Variants in KLC3 observed in about 807,000 individuals in gnomAD.
KLC3 encodes kinesin light chain 3, also known as kinesin light chain 2.
Under a neutral mutation model 62.9 loss-of-function variants are expected in KLC3, and 72 were observed. The ratio of observed to expected loss-of-function variants is 1.15; its 90% confidence interval spans 0.95 to 1.39. The LOEUF is 1.39. KLC3 is among the 40% of genes most tolerant of loss of function. KLC3 has a pLI of 0.00. For missense variants in KLC3, 848 were observed against 691.6 expected, an observed-to-expected ratio of 1.23 and a Z score of -2.54; for synonymous variants, 377 against 300.5, an observed-to-expected ratio of 1.25 and a Z score of -2.63.
At position 45,348,774 on chromosome 19, in the gene KLC3, G is replaced by A. The variant is rs1055182674; in HGVS notation, c.867+41G>A. ...GGGAGACGAAGTGGGGTCAAAGTGG[G>A]GCCACACCTGCCCATCCCTGACCTG... On this transcript the variant is annotated intron_variant, in intron 6 of 12. Coordinates refer to ENST00000391946, the MANE Select transcript of KLC3 (RefSeq NM_177417.3). 5 of 1,563,948 alleles carry A rather than the reference G, an allele frequency of 3.2e-6. No homozygotes were observed. The African/African-American group carries it at 6.8e-5, about 21-fold the overall frequency.
At chr19:45,347,146 C>T (rs181613527) in intron 3 of KLC3, 26 of 421,980 alleles carry the variant, frequency 6.2e-5, no homozygotes, top group African/African-American at 4.9e-4. Flanking sequence ...ATTTCAAGAC[C>T]AGCATGACCA....
chr19:45,343,449 C>G (rs1179120224), intron 1 of KLC3, among the ~76,000 whole-genome samples: 1 of 152,078 alleles, frequency 6.6e-6, no homozygotes, highest in Non-Finnish European at 1.5e-5. Context: ...ATTCTCATGC[C>G]TCAGCCTCAT....
At chr19:45,343,983 C>T (rs1971438859) in intron 1 of KLC3, among the ~76,000 whole-genome samples, 1 of 152,006 alleles carries the variant, frequency 6.6e-6, no homozygotes, top group Non-Finnish European at 1.5e-5. Flanking sequence ...TCACCACACC[C>T]AGCTAATTTT....
chr19:45,349,652 G>C, intron 8 of KLC3, 50 bp downstream of exon 8: 2 of 1,410,316 alleles, frequency 1.4e-6, no homozygotes, highest in South Asian at 2.6e-5. Context: ...GTCCTGCCCT[G>C]GGGAGGCACC....
At chr19:45,351,183 A>C in intron 12 of KLC3, 103 bp from the exon 13 acceptor site, 3 of 1,585,492 alleles carry the variant, frequency 1.9e-6, no homozygotes, top group African/African-American at 2.7e-5. Flanking sequence ...GGTAGAGGCG[A>C]GGGGGTTGGA....
intron 8 of KLC3, 132 bp from the exon 9 acceptor site, chr19:45,350,209 G>C (rs555745457): frequency 1.0e-5 from 7 of 671,320 alleles, no homozygotes; most frequent in South Asian, 1.9e-5. Context: ...ATCACTTGAG[G>C]CTAGGAGTTC....
chr19:45,347,377 A>G, intron 3 of KLC3, 70 bp from the exon 4 acceptor site: 3 of 1,135,410 alleles, frequency 2.6e-6, no homozygotes, highest in Non-Finnish European at 3.9e-6. Context: ...AAAACCTGAG[A>G]TAGAGCCAGG....
chr19:45,348,618 C>T (rs1020773398), intron 5 of KLC3, 28 bp from the exon 6 acceptor site: 18 of 1,553,440 alleles, frequency 1.2e-5, no homozygotes, highest in South Asian at 1.1e-4. Context: ...TTGGCTAACC[C>T]CCTCCATTCC....
rs1382742837 is a variant in KLC3 at position 45,350,514 on chromosome 19, G to C, written c.1235G>C (p.Gly412Ala). The C allele has an allele frequency of 6.2e-7, 1 of 1,613,432 alleles. No homozygotes were observed. The highest frequency in any genetic ancestry group is 2.2e-5 in the East Asian group (1 of 44,834). ...CAGTGTCCCCCATCTTTCCCCCTAG[G>C]TGCCCCCAACACAGGCACAGCTGGT... is the stretch of plus-strand genomic sequence containing the variant. ...LHKEDLPAPLGAPNTGTAGDA... is the reference protein window; with the variant it reads ...LHKEDLPAPLAAPNTGTAGDA... The change falls in exon 10 of 13, where the codon GGT (glycine) becomes GCT (alanine). Residue 412 changes from glycine to alanine, a missense_variant and splice_region_variant. Gly to Ala is a moderately conservative substitution (Grantham distance 60, BLOSUM62 0). Transcript: ENST00000391946.
chr19:45,346,440 G>A (rs1451597857), intron 2 of KLC3, 104 bp from the exon 3 acceptor site: 6 of 946,894 alleles, frequency 6.3e-6, no homozygotes, highest in South Asian at 3.5e-5. Context: ...GGGGTGTCGT[G>A]CATAGTAGTG....
chr19:45,341,578 T>TGTGTGTGTGTGCGCGCGCGCGC, intron 1 of KLC3, among the ~76,000 whole-genome samples: 69 of 139,894 alleles, frequency 4.9e-4, no homozygotes, highest in South Asian at 1.2e-3. Context: ...TGTGTGTGTG[T>TGTGTGTGTGTGCGCGCGCGCGC]GCGCGCGCGC....
chr19:45,341,190 G>GTT, intron 1 of KLC3, among the ~76,000 whole-genome samples: 1 of 150,696 alleles, frequency 6.6e-6, no homozygotes, highest in East Asian at 2.0e-4. Flanking sequence ...CTGTGTTTGT[G>GTT]TGTGTGTGTG....
chr19:45,341,576 TGTGC>T (rs1316740982), intron 1 of KLC3, among the ~76,000 whole-genome samples: 10 of 129,912 alleles, frequency 7.7e-5, no homozygotes, highest in African/African-American at 2.3e-4. Flanking sequence ...TGTGTGTGTG[TGTGC>T]GCGCGCGCGT....
intron 1 of KLC3, among the ~76,000 whole-genome samples, chr19:45,341,109 C>T (rs1293152304): frequency 1.3e-5 from 2 of 151,720 alleles, no homozygotes; most frequent in Non-Finnish European, 2.9e-5. Flanking sequence ...GCCTGGTGCG[C>T]GGGGCTGGGC....
At chr19:45,347,346 A>C in intron 3 of KLC3, 101 bp from the exon 4 acceptor site, 1 of 889,610 alleles carries the variant, frequency 1.1e-6, no homozygotes, top group Non-Finnish European at 1.7e-6. Context: ...GTCTCAAAAA[A>C]AAAAAAAAAA....
At chr19:45,349,326 C>CT in intron 7 of KLC3, 103 bp from the exon 8 acceptor site, 1 of 1,224,798 alleles carries the variant, frequency 8.2e-7, no homozygotes, top group Middle Eastern at 2.9e-4. Context: ...TCACTCTCTG[C>CT]TTTGACCCTG....
At chr19:45,351,220 G>C (rs921473976) in intron 12 of KLC3, 66 bp from the exon 13 acceptor site, 10 of 1,591,636 alleles carry the variant, frequency 6.3e-6, no homozygotes, top group African/African-American at 2.7e-5. Flanking sequence ...TGGACCTGGA[G>C]CTGGAGGGTG....
chr19:45,351,301 C>A lies in KLC3; in HGVS notation c.1459C>A (p.Leu487Met), dbSNP rs201873145. 69 of 1,612,702 alleles carry A rather than the reference C, an allele frequency of 4.3e-5. No homozygotes were observed. The African/African-American group carries it at 8.5e-4, about 20-fold the overall frequency. ...CTGTCTCCAGTTTCCCAGCTGGCAC[C>A]TGGACAAGGCCCCTCGGACCCTCAG... ...APGTQFPSWHLDKAPRTLSAS... is the reference protein window; with the variant it reads ...APGTQFPSWHMDKAPRTLSAS... The change falls in exon 13 of 13, where the codon CTG becomes ATG. Residue 487 changes from leucine (L) to methionine (M), a missense_variant. By Grantham distance (15) the Leu-to-Met change is conservative. Transcript: ENST00000391946.
intron 7 of KLC3, 47 bp from the exon 8 acceptor site, chr19:45,349,382 C>T (rs1382898270): frequency 1.3e-6 from 2 of 1,542,980 alleles, no homozygotes; most frequent in Admixed American, 1.9e-5. Context: ...GTCACGTGTC[C>T]CACCAATCCT....
Sources: allele counts gnomAD v4.1 joint callset (sites outside exome capture counted in the v4.1 genomes callset), GRCh38; gene constraint gnomAD v4.1.1; transcripts MANE v1.5; gene names NCBI Gene and HGNC (gene_info 2026-07-23, HGNC 2026-07-21).